The following ARHGAP12 variants were observed in gnomAD, a reference collection of about 807,000 sequenced individuals.
The protein encoded by ARHGAP12 is Rho GTPase activating protein 12.
ARHGAP12 carries 64 observed loss-of-function variants against 108.6 expected under a neutral mutation model. The observed-to-expected ratio is 0.59, with a 90% CI of 0.48 to 0.73. ARHGAP12 has a LOEUF of 0.73. Among genes scored for constraint, ARHGAP12 ranks in the 30% least tolerant of loss-of-function variants. The pLI is 0.00. For missense variants in ARHGAP12, 940 were observed against 1,005.9 expected (o/e 0.93, Z 0.89); for synonymous variants, 312 against 337.2 (o/e 0.93, Z 0.82).
chr10:31,843,182 T>C (rs1836332402), intron 7 of ARHGAP12, among the ~76,000 whole-genome samples: 1 of 152,116 alleles, frequency 6.6e-6, no homozygotes, highest in Non-Finnish European at 1.5e-5. Context: ...AGTCAGTCTA[T>C]TGTGCAAAAA....
At chr10:31,851,514 C>T (rs1836679198) in intron 6 of ARHGAP12, among the ~76,000 whole-genome samples, 1 of 152,176 alleles carries the variant, frequency 6.6e-6, no homozygotes, top group African/African-American at 2.4e-5. Flanking sequence ...CTGTCAGTTA[C>T]AGTGGAGCTC....
At chr10:31,845,276 C>A (rs1389435238) in intron 6 of ARHGAP12, among the ~76,000 whole-genome samples, 1 of 152,084 alleles carries the variant, frequency 6.6e-6, no homozygotes, top group Non-Finnish European at 1.5e-5. Flanking sequence ...TTGGGATTTT[C>A]TAATAATAAC....
At chr10:31,897,227 C>G (rs1458516777) in intron 3 of ARHGAP12, among the ~76,000 whole-genome samples, 1 of 152,078 alleles carries the variant, frequency 6.6e-6, no homozygotes, top group Non-Finnish European at 1.5e-5. Flanking sequence ...CCTAGACTTA[C>G]AAAGACTTAA....
intron 16 of ARHGAP12, chr10:31,809,524 A>G (rs1291455979): frequency 2.0e-6 from 1 of 510,942 alleles, no homozygotes; most frequent in African/African-American, 1.9e-5. Context: ...CAGTAATTCT[A>G]CTCTGCTCAT....
At chr10:31,840,355 GT>G (rs35517549) in intron 7 of ARHGAP12, among the ~76,000 whole-genome samples, 182 of 148,268 alleles carry the variant, frequency 1.2e-3, no homozygotes, top group African/African-American at 4.1e-3. Flanking sequence ...CCAATAACGT[GT>G]TTTTTTTTTA....
At chr10:31,826,159 A>AT in intron 11 of ARHGAP12, 145 bp downstream of exon 11, 1 of 583,092 alleles carries the variant, frequency 1.7e-6, no homozygotes, top group Admixed American at 3.5e-5. Context: ...ATAAGTTAAA[A>AT]TGAATCTTTA....
At chr10:31,858,598 A>G (rs1055082827) in intron 4 of ARHGAP12, among the ~76,000 whole-genome samples, 1 of 152,160 alleles carries the variant, frequency 6.6e-6, no homozygotes, top group African/African-American at 2.4e-5. Context: ...GATCAGTAGC[A>G]CGTCTCCCAT....
At chr10:31,853,844 T>C (rs931021971) in intron 5 of ARHGAP12, among the ~76,000 whole-genome samples, 33 of 152,194 alleles carry the variant, frequency 2.2e-4, no homozygotes, top group African/African-American at 7.7e-4. Context: ...TCTTAAAAAG[T>C]CTTCCATGAG....
chr10:31,859,886 C>T (rs1036426574), intron 4 of ARHGAP12, among the ~76,000 whole-genome samples: 2 of 151,848 alleles, frequency 1.3e-5, no homozygotes, highest in Non-Finnish European at 2.9e-5. Context: ...TCTCCACCTC[C>T]CGGGTTCAAG....
intron 6 of ARHGAP12, among the ~76,000 whole-genome samples, chr10:31,851,681 A>C (rs61843854): frequency 0.024 from 3,590 of 152,330 alleles, 72 homozygotes; most frequent in Non-Finnish European, 0.034. Context: ...AGCACTATTA[A>C]CATTAGTTTA....
intron 3 of ARHGAP12, among the ~76,000 whole-genome samples, chr10:31,869,561 C>T (rs976000747): frequency 3.3e-5 from 5 of 150,840 alleles, no homozygotes; most frequent in African/African-American, 1.2e-4. Flanking sequence ...AAACAAACAA[C>T]AAAACACCAC....
At chr10:31,824,694 T>A (rs1364570861) in intron 11 of ARHGAP12, among the ~76,000 whole-genome samples, 1 of 152,160 alleles carries the variant, frequency 6.6e-6, no homozygotes, top group African/African-American at 2.4e-5. Flanking sequence ...TTCATCTAAA[T>A]CACATACAAA....
chr10:31,920,373 C>A (rs1315697866), intron 1 of ARHGAP12, among the ~76,000 whole-genome samples: 1 of 142,638 alleles, frequency 7.0e-6, no homozygotes, highest in Non-Finnish European at 1.5e-5. Context: ...TCGCTTGAAC[C>A]CAGGAGGCAG....
intron 3 of ARHGAP12, among the ~76,000 whole-genome samples, chr10:31,888,374 C>T (rs564860298): frequency 1.5e-4 from 23 of 152,288 alleles, no homozygotes; most frequent in African/African-American, 5.3e-4. Context: ...CAGACTCTTT[C>T]TCTGAGATTT....
At chr10:31,895,870 A>G (rs1234435555) in intron 3 of ARHGAP12, among the ~76,000 whole-genome samples, 4 of 152,244 alleles carry the variant, frequency 2.6e-5, no homozygotes, top group Non-Finnish European at 4.4e-5. Flanking sequence ...CTGCATTAAG[A>G]AAATGTGGCA....
intron 3 of ARHGAP12, among the ~76,000 whole-genome samples, chr10:31,893,809 G>C (rs1838558052): frequency 6.6e-6 from 1 of 152,126 alleles, no homozygotes; most frequent in Non-Finnish European, 1.5e-5. Flanking sequence ...GAGAATTGTA[G>C]ACCAATATCC....
intron 3 of ARHGAP12, among the ~76,000 whole-genome samples, chr10:31,897,440 C>G (rs1592354554): frequency 6.6e-6 from 1 of 152,184 alleles, no homozygotes; most frequent in African/African-American, 2.4e-5. Flanking sequence ...CAACAGGCCT[C>G]CAGTACATCA....
chr10:31,879,865 T>C (rs1394421900), intron 3 of ARHGAP12, among the ~76,000 whole-genome samples: 1 of 152,248 alleles, frequency 6.6e-6, no homozygotes, highest in Admixed American at 6.5e-5. Flanking sequence ...TGATGGTGCC[T>C]ACATGCTTCT....
At chr10:31,909,333 CACGGCATT>C in intron 2 of ARHGAP12, among the ~76,000 whole-genome samples, 1 of 152,036 alleles carries the variant, frequency 6.6e-6, no homozygotes, top group South Asian at 2.1e-4. Flanking sequence ...CCTCCTAGAA[CACGGCATT>C]ACGGGTTTAA....
Sources: gnomAD v4.1 joint callset for allele counts (sites outside exome capture counted in the v4.1 genomes callset) on GRCh38, gnomAD v4.1.1 for gene constraint, MANE v1.5 for transcripts, NCBI Gene and HGNC (gene_info 2026-07-23, HGNC 2026-07-21) for gene names.